The following GRAMD2B variants were observed in gnomAD, a reference collection of about 807,000 sequenced individuals.
GRAMD2B encodes the protein GRAM domain containing 2B.
GRAMD2B carries 41 observed loss-of-function variants against 59.2 expected under a neutral mutation model. The ratio of observed to expected loss-of-function variants is 0.69; its 90% CI spans 0.54 to 0.90. The LOEUF (loss-of-function observed/expected upper bound fraction) is 0.90, where lower values mean the gene tolerates loss of function less well. Ranked by LOEUF, GRAMD2B falls within the 40% of genes least tolerant of loss-of-function variation. The pLI, the probability that GRAMD2B is intolerant of heterozygous loss-of-function variation, is 0.00. For missense variants in GRAMD2B, 424 were observed against 500.5 expected, an observed-to-expected ratio of 0.85 and a Z score of 1.46; for synonymous variants, 161 against 182.7, an observed-to-expected ratio of 0.88 and a Z score of 0.96.
chr5:126,472,386 C>A, intron 4 of GRAMD2B, 82 bp downstream of exon 4: 1 of 1,054,906 alleles, frequency 9.5e-7, no homozygotes, highest in Non-Finnish European at 1.5e-6. Context: ...AGGGCATAGT[C>A]CATGGACTGA....
chr5:126,454,176 G>A (rs185433265), intron 1 of GRAMD2B, among the ~76,000 whole-genome samples: 6 of 152,264 alleles, frequency 3.9e-5, no homozygotes, highest in Admixed American at 1.3e-4. Context: ...GAAAAGAAGA[G>A]GGAGATTGCA....
Position 126,371,496 on chromosome 5 carries a change from G to A in GRAMD2B, c.54G>A (p.Pro18=), listed in dbSNP as rs77939570. The A allele has an allele frequency of 5.0e-5, 64 of 1,289,266 alleles. No individual in the cohort carries two copies. The East Asian group carries it at 2.3e-3, about 46-fold the overall frequency. The allele number at this position is 1,289,266 out of a possible 1,614,324, so 79.9% of individuals were successfully genotyped here. Reference sequence around the variant, plus strand: ...ACACGGTGTTCCGGTTTGAGACTCCGGGCAGCCCAAGGAAGGCCAACGTGG... The same window carrying A: ...ACACGGTGTTCCGGTTTGAGACTCCAGGCAGCCCAAGGAAGGCCAACGTGG... The change falls in exon 1 of 9, where the codon CCG becomes CCA. Residue 18 remains proline, a synonymous_variant. Transcript: ENST00000506445.
At chr5:126,376,400 A>G (rs540227478) in intron 1 of GRAMD2B, among the ~76,000 whole-genome samples, 1 of 152,300 alleles carries the variant, frequency 6.6e-6, no homozygotes, top group East Asian at 1.9e-4. Context: ...TTATGCCTCC[A>G]TTTAGTGGCT....
chr5:126,394,583 C>T (rs1757193107), intron 1 of GRAMD2B, among the ~76,000 whole-genome samples: 1 of 152,134 alleles, frequency 6.6e-6, no homozygotes, highest in Non-Finnish European at 1.5e-5. Context: ...CAATATTCTG[C>T]ATTCCATTTC....
intron 13 of GRAMD2B, 38 bp from the exon 14 acceptor site, chr5:126,492,877 C>G: frequency 7.5e-7 from 1 of 1,331,810 alleles, no homozygotes; most frequent in African/African-American, 1.4e-5. Context: ...ATACTCCATT[C>G]TATTTAATAA....
chr5:126,377,862 T>C (rs995927887), intron 1 of GRAMD2B, among the ~76,000 whole-genome samples: 1 of 152,184 alleles, frequency 6.6e-6, no homozygotes, highest in Non-Finnish European at 1.5e-5. Flanking sequence ...CAGAAACTAG[T>C]TTCTGACAAA....
intron 2 of GRAMD2B, 143 bp downstream of exon 2, chr5:126,465,688 C>T (rs965850878): frequency 6.8e-6 from 5 of 732,158 alleles, no homozygotes; most frequent in Non-Finnish European, 6.6e-6. Context: ...GAGCATTTTT[C>T]CCTGATACCC....
chr5:126,473,593 A>G (rs1181773934), intron 5 of GRAMD2B, among the ~76,000 whole-genome samples: 3 of 152,138 alleles, frequency 2.0e-5, no homozygotes, highest in Non-Finnish European at 2.9e-5. Context: ...TTGTTTATAC[A>G]CATATACCTC....
chr5:126,447,479 G>A (rs755280769), intron 1 of GRAMD2B, among the ~76,000 whole-genome samples: 11 of 152,026 alleles, frequency 7.2e-5, no homozygotes, highest in East Asian at 5.8e-4. Context: ...TCGATAACAC[G>A]GTGAAACCCC....
upstream of GRAMD2B, among the ~76,000 whole-genome samples, chr5:126,419,379 C>G (rs1759525029): frequency 6.6e-6 from 1 of 152,022 alleles, no homozygotes; most frequent in African/African-American, 2.4e-5. Context: ...TTTCAAACAA[C>G]CAGATCTCAT....
chr5:126,472,346 A>G (rs1769757746), intron 4 of GRAMD2B, 42 bp downstream of exon 4: 5 of 1,502,696 alleles, frequency 3.3e-6, no homozygotes, highest in African/African-American at 1.4e-5. Flanking sequence ...ACATATTTGA[A>G]AAGTTGATCA....
intron 1 of GRAMD2B, among the ~76,000 whole-genome samples, chr5:126,461,953 G>C (rs1372135678): frequency 1.3e-5 from 2 of 152,190 alleles, no homozygotes; most frequent in Non-Finnish European, 2.9e-5. Context: ...GGTTGGAGAT[G>C]GGAGGAGAAA....
At chr5:126,484,967 A>G (rs1772620777) in intron 10 of GRAMD2B, among the ~76,000 whole-genome samples, 1 of 152,128 alleles carries the variant, frequency 6.6e-6, no homozygotes, top group South Asian at 2.1e-4. Context: ...ATATTAATTC[A>G]CTTATTCTTT....
At position 126,457,191 on chromosome 5, in the gene GRAMD2B, C is replaced by CAAAAA. The variant is rs559904336; in HGVS notation, c.84-8209_84-8205dup. On this transcript the variant is annotated intron_variant, in intron 1 of 13. Coordinates refer to ENST00000285689, the MANE Select transcript of GRAMD2B (RefSeq NM_023927.4). ...GAGGCGACAGTGCGAGACTCCGTCT[C>CAAAAA]AAAAAAAAAAAAAAAAAAAAAAAAA... Among the ~76,000 whole-genome samples the CAAAAA allele has an allele frequency of 4.8e-4, 31 of 63,982 alleles. 1 individual carries two copies. The highest frequency in any genetic ancestry group is 1.7e-3 in the African/African-American group (30 of 18,126). 42.0% of individuals were successfully genotyped at this position (63,982 alleles called of 152,430 possible). A position where few individuals can be genotyped will look rare whatever the true frequency, so the allele number is the denominator to read the frequency against.
intron 8 of GRAMD2B, among the ~76,000 whole-genome samples, chr5:126,481,209 AAGAAAGAAAG>A (rs1771721119): frequency 1.5e-5 from 1 of 65,992 alleles, no homozygotes; most frequent in African/African-American, 5.1e-5. Flanking sequence ...AAAAAAAAGA[AAGAAAGAAAG>A]AAAGAAAGAA....
intron 1 of GRAMD2B, among the ~76,000 whole-genome samples, chr5:126,456,719 T>C (rs1428988261): frequency 6.6e-6 from 1 of 152,204 alleles, no homozygotes; most frequent in Admixed American, 6.5e-5. Flanking sequence ...TTTTCATGCA[T>C]TTGTTTATTG....
At chr5:126,436,539 C>T (rs1005108101) in intron 1 of GRAMD2B, among the ~76,000 whole-genome samples, 1 of 152,120 alleles carries the variant, frequency 6.6e-6, no homozygotes, top group Admixed American at 6.6e-5. Flanking sequence ...ATAGTTCCAG[C>T]TACTTGGAAG....
At chr5:126,459,145 T>G (rs1766886773) in intron 1 of GRAMD2B, 1 of 152,244 alleles carries the variant, frequency 6.6e-6, no homozygotes, top group Admixed American at 6.5e-5. Context: ...TCACATTTCA[T>G]TGACGGTTTT....
chr5:126,475,576 C>T (rs1385306166), intron 5 of GRAMD2B, among the ~76,000 whole-genome samples: 1 of 152,100 alleles, frequency 6.6e-6, no homozygotes, highest in Non-Finnish European at 1.5e-5. Context: ...TGGTTTAGCC[C>T]CTTGTTCTTC....
Sources: gnomAD v4.1 joint callset for allele counts (sites outside exome capture counted in the v4.1 genomes callset) on GRCh38, gnomAD v4.1.1 for gene constraint, MANE v1.5 for transcripts, NCBI Gene and HGNC (gene_info 2026-07-23, HGNC 2026-07-21) for gene names.